The following INPP5A variants were observed in gnomAD, a reference collection of about 807,000 sequenced individuals.
INPP5A encodes the protein inositol polyphosphate-5-phosphatase A.
In INPP5A, 14 loss-of-function variants were observed where a neutral mutation model predicts 65.2. The ratio of observed to expected loss-of-function variants is 0.21; its 90% CI spans 0.14 to 0.34. The LOEUF is 0.34. INPP5A is among the 10% of genes least tolerant of loss of function. The pLI is 1.00. For synonymous variants in INPP5A, 207 were observed against 208.3 expected, an observed-to-expected ratio of 0.99 and a Z score of 0.05; for missense variants, 431 against 545.6, an observed-to-expected ratio of 0.79 and a Z score of 2.09.
chr10:132,681,319 T>C (rs1388810858), intron 4 of INPP5A, among the ~76,000 whole-genome samples: 1 of 152,180 alleles, frequency 6.6e-6, no homozygotes, highest in African/African-American at 2.4e-5. Flanking sequence ...AGCTTTGTTC[T>C]TTCGCTCTTT....
chr10:132,725,337 G>A (rs1845967120), intron 8 of INPP5A, among the ~76,000 whole-genome samples: 1 of 152,196 alleles, frequency 6.6e-6, no homozygotes, highest in Non-Finnish European at 1.5e-5. Flanking sequence ...CTGGTCTAAA[G>A]GCCCTGGACA....
chr10:132,631,298 G>T (rs1435389153), intron 2 of INPP5A, among the ~76,000 whole-genome samples: 1 of 152,136 alleles, frequency 6.6e-6, no homozygotes, highest in African/African-American at 2.4e-5. Flanking sequence ...TGGGAACCTG[G>T]GTCTGGTTGG....
intron 13 of INPP5A, among the ~76,000 whole-genome samples, chr10:132,779,119 C>T (rs562140227): frequency 1.3e-4 from 20 of 152,376 alleles, no homozygotes; most frequent in Non-Finnish European, 2.4e-4. Context: ...CTGGCTCCTC[C>T]GCAGCCCCAC....
At chr10:132,774,665 G>A (rs995518957) in intron 12 of INPP5A, among the ~76,000 whole-genome samples, 2 of 152,018 alleles carry the variant, frequency 1.3e-5, no homozygotes, top group Non-Finnish European at 2.9e-5. Flanking sequence ...TCGGGCCCGT[G>A]GCGACCCTAC....
At chr10:132,761,339 TG>T (rs1713716675) in intron 11 of INPP5A, among the ~76,000 whole-genome samples, 1 of 152,242 alleles carries the variant, frequency 6.6e-6, no homozygotes, top group Non-Finnish European at 1.5e-5. Context: ...CAGTGCACTG[TG>T]GGGGCATGTG....
In INPP5A at chr10:132,682,307, T is replaced by C. The variant is rs543067740; in HGVS notation, c.307-8085T>C. On this transcript the variant is annotated intron_variant, in intron 4 of 15. Transcript: ENST00000368594. ...GGGAAGGTGGACAGTGTCCTGGAGA[T>C]GGATGGTGTGACGGGTGCAGACGTT... Among the ~76,000 whole-genome samples, 532 of 152,202 alleles carry C rather than the reference T, an allele frequency of 3.5e-3. 3 individuals carry two copies. Among genetic ancestry groups the C allele is most frequent in the African/African-American group, 0.012 (505 of 41,548 alleles).
chr10:132,621,790 T>C (rs984716858), intron 2 of INPP5A, among the ~76,000 whole-genome samples: 1 of 151,774 alleles, frequency 6.6e-6, no homozygotes, highest in Non-Finnish European at 1.5e-5. Context: ...ATGTCTTTTT[T>C]TTTTTTTTTT....
rs1846012976 is a variant in INPP5A at position 132,727,824 on chromosome 10, AGATGGGGACATGGTGAGTTG to A, written c.732+930_732+949del. ...AAGTCGGATGGGGACACGGTGAGTCAGATGGGGACATGGTGAGTTGGATGGGGACACAGTGAGTTGGATGG... is the reference window on the plus strand; with the variant it reads ...AAGTCGGATGGGGACACGGTGAGTCAGATGGGGACACAGTGAGTTGGATGG... On this transcript the variant is annotated intron_variant, in intron 9 of 15. Transcript: ENST00000368594. The surrounding 1 kb of genome is among the most constrained non-coding windows in gnomAD (Gnocchi z 6.5). 2.0e-5 allele frequency among the ~76,000 whole-genome samples: 3 copies of A among 151,966 alleles called. No individual in the cohort carries two copies. Among genetic ancestry groups the A allele is most frequent in the Admixed American group, 1.3e-4 (2 of 15,264 alleles).
At chr10:132,746,192 C>A (rs998846657) in intron 9 of INPP5A, among the ~76,000 whole-genome samples, 1 of 152,224 alleles carries the variant, frequency 6.6e-6, no homozygotes, top group African/African-American at 2.4e-5. Flanking sequence ...GCTGGCTGTG[C>A]GTGCGGTGCC....
chr10:132,772,614 G>A (rs867762574), intron 12 of INPP5A, among the ~76,000 whole-genome samples: 85 of 81,532 alleles, frequency 1.0e-3, no homozygotes, highest in East Asian at 1.7e-3. Context: ...CAGAGGCCAC[G>A]GCAGCCACCC....
In INPP5A at chr10:132,762,984, G is replaced by C. The variant is rs1846761049; in HGVS notation, c.904-2789G>C. Among the ~76,000 whole-genome samples the C allele has an allele frequency of 6.6e-6, 1 of 152,158 alleles. No individual in the cohort carries two copies. The highest frequency in any genetic ancestry group is 1.5e-5 in the Non-Finnish European group (1 of 68,038). On this transcript the variant is annotated intron_variant, in intron 11 of 15. Transcript: ENST00000368594. The surrounding 1 kb of genome is among the most constrained non-coding windows in gnomAD (Gnocchi z 4.6). ...AGCCTGGGTGACAGAGGGAGACTCTGTTTCAATAAATAAATAAATAACTTA... is the reference window on the plus strand; with the variant it reads ...AGCCTGGGTGACAGAGGGAGACTCTCTTTCAATAAATAAATAAATAACTTA...
At chr10:132,714,071 T>A (rs1845696930) in intron 8 of INPP5A, among the ~76,000 whole-genome samples, 1 of 152,164 alleles carries the variant, frequency 6.6e-6, no homozygotes, top group Non-Finnish European at 1.5e-5. Context: ...GGGAGGGCCC[T>A]GCCGTGTCTG....
At chr10:132,764,146 C>T (rs926857811) in intron 11 of INPP5A, among the ~76,000 whole-genome samples, 2 of 152,256 alleles carry the variant, frequency 1.3e-5, no homozygotes, top group Non-Finnish European at 2.9e-5. Flanking sequence ...AGGCCTGGGC[C>T]GGTGGCTCAG....
rs1157622723 is a variant in INPP5A, at chr10:132,547,988, C to T, written c.75+9817C>T. ...GATCTCACCTCACTGCGACCTCCGC[C>T]TCCCAGGTTCAAGCAGTTCTCCTGC... On this transcript the variant is annotated intron_variant, in intron 1 of 15. Coordinates refer to ENST00000368594, the MANE Select transcript of INPP5A (RefSeq NM_005539.5). This position sits in a 1 kb window ranked among gnomAD's most constrained non-coding sequence, Gnocchi z 5.5. 1.3e-5 allele frequency among the ~76,000 whole-genome samples: 2 copies of T among 152,074 alleles called. No homozygotes were observed. Among genetic ancestry groups the T allele is most frequent in the Non-Finnish European group, 1.5e-5 (1 of 68,010 alleles).
chr10:132,710,210 G>A lies in INPP5A; in HGVS notation c.528-127G>A, dbSNP rs1008081892. The A allele has an allele frequency of 1.7e-5, 18 of 1,068,700 alleles. No homozygotes were observed. In the African/African-American group the frequency reaches 2.7e-4, roughly 16 times the overall value. The allele number at this position is 1,068,700 out of a possible 1,614,324, so 66.2% of individuals were successfully genotyped here. On this transcript the variant is annotated intron_variant, in intron 7 of 15. Coordinates refer to ENST00000368594, the MANE Select transcript of INPP5A (RefSeq NM_005539.5). ...AGACAGGTGGGTGGACAGGTGCCCC[G>A]CCTCGGGTGGCTCCGCACGGCGGAG...
rs543093823 is a variant in INPP5A, at chr10:132,650,190, G to A, written c.219-228G>A. Among the ~76,000 whole-genome samples, 53 of 152,194 alleles carry A rather than the reference G, an allele frequency of 3.5e-4. No individual in the cohort carries two copies. Among genetic ancestry groups the A allele is most frequent in the Non-Finnish European group, 6.2e-4 (42 of 68,032 alleles). On this transcript the variant is annotated intron_variant, in intron 3 of 15. Transcript: ENST00000368594. The surrounding 1 kb of genome is among the most constrained non-coding windows in gnomAD (Gnocchi z 5.5). ...CAGACCCCGGCATCTCACAGGCTGCGTGGAGACCAGAGCCTGTGGGAGCTT... is the reference window on the plus strand; with the variant it reads ...CAGACCCCGGCATCTCACAGGCTGCATGGAGACCAGAGCCTGTGGGAGCTT...
Position 132,538,043 on chromosome 10 carries a change from G to C in INPP5A, c.-54G>C. The C allele has an allele frequency of 1.1e-6, 1 of 920,214 alleles. No individual in the cohort carries two copies. The highest frequency in any genetic ancestry group is 4.8e-5 in the South Asian group (1 of 20,630). 57.0% of individuals were successfully genotyped at this position (920,214 alleles called of 1,614,324 possible). A position where few individuals can be genotyped will look rare whatever the true frequency, so the allele number is the denominator to read the frequency against. ...AAGACCCCGGCCGGCCGGTCCCGGA[G>C]GAAGCGGCCGCCGCCGCCGCCGCCC... On this transcript the variant is annotated 5_prime_UTR_variant, in exon 1 of 16. Transcript: ENST00000368594. The surrounding 1 kb of genome is among the most constrained non-coding windows in gnomAD (Gnocchi z 4.1).
intron 2 of INPP5A, among the ~76,000 whole-genome samples, chr10:132,639,047 C>T (rs1291085866): frequency 1.3e-5 from 2 of 152,124 alleles, no homozygotes; most frequent in African/African-American, 4.8e-5. Flanking sequence ...ACCCTGGAGG[C>T]TCATTCTATG....
intron 11 of INPP5A, among the ~76,000 whole-genome samples, chr10:132,756,361 CGT>C (rs543163675): frequency 4.6e-5 from 7 of 151,682 alleles, no homozygotes; most frequent in Non-Finnish European, 8.8e-5. Flanking sequence ...TGTGTGTACA[CGT>C]GTGCACTCGT....
Sources: gnomAD v4.1 joint callset for allele counts (sites outside exome capture counted in the v4.1 genomes callset) on GRCh38, gnomAD v4.1.1 for gene constraint, Gnocchi (gnomAD v3.1) non-coding constraint, MANE v1.5 for transcripts, NCBI Gene and HGNC (gene_info 2026-07-23, HGNC 2026-07-21) for gene names.